Variants in CISD2 observed in about 807,000 individuals in gnomAD.
CISD2 encodes the protein CDGSH iron-sulfur domain-containing protein 2.
In CISD2, 1 loss-of-function variant was observed where a neutral mutation model predicts 12.9. The observed-to-expected ratio is 0.08, with a 90% CI of 0.03 to 0.37. The LOEUF (loss-of-function observed/expected upper bound fraction) is 0.37, where lower values mean the gene tolerates loss of function less well. Among genes scored for constraint, CISD2 ranks in the 10% least tolerant of loss-of-function variants. The pLI, the probability that CISD2 is intolerant of heterozygous loss-of-function variation, is 0.99. For missense variants in CISD2, 97 were observed against 163.1 expected, an observed-to-expected ratio of 0.59 and a Z score of 2.21; for synonymous variants, 50 against 60.6, an observed-to-expected ratio of 0.83 and a Z score of 0.81.
chr4:102,881,515 A>G (rs1733720777), intron 1 of CISD2, among the ~76,000 whole-genome samples: 1 of 152,270 alleles, frequency 6.6e-6, no homozygotes, highest in African/African-American at 2.4e-5. Context: ...ATATGCATGT[A>G]TGCATGTAGC....
chr4:102,876,173 T>C (rs1348376074), intron 1 of CISD2, among the ~76,000 whole-genome samples: 1 of 152,176 alleles, frequency 6.6e-6, no homozygotes, highest in Non-Finnish European at 1.5e-5. Context: ...CCCCACATAG[T>C]GCAGTTTGTG....
rs1734172112 is a variant in CISD2 at position 102,890,270 on chromosome 4, A to G, written c.*2840A>G. ...TTAATAAGTAAGTTACAGGAAGCCA[A>G]TTAAGCCAGCTGCTGATCTATATAG... On this transcript the variant is annotated 3_prime_UTR_variant, in exon 3 of 3. Transcript: ENST00000273986. The G allele has an allele frequency of 6.6e-6, 1 of 152,232 alleles. No homozygotes were observed. The highest frequency in any genetic ancestry group is 1.5e-5 in the Non-Finnish European group (1 of 68,042). The allele number at this position is 152,232 out of a possible 1,614,324, so 9.4% of individuals were successfully genotyped here.
In CISD2 at chr4:102,889,954, G is replaced by C. The variant is rs1463831067; in HGVS notation, c.*2524G>C. ...TTGAAATACATGTCTTCGGTTTCTA[G>C]AGCCTTCAAAATACAGCCCTGTTGT... is the stretch of plus-strand genomic sequence containing the variant. On this transcript the variant is annotated 3_prime_UTR_variant, in exon 3 of 3. Transcript: ENST00000273986. 6.6e-6 allele frequency: 1 copy of C among 150,638 alleles called. No homozygotes were observed. The highest frequency in any genetic ancestry group is 1.5e-5 in the Non-Finnish European group (1 of 67,874). The allele number at this position is 150,638 out of a possible 1,614,324, so 9.3% of individuals were successfully genotyped here. A position where few individuals can be genotyped will look rare whatever the true frequency, so the allele number is the denominator to read the frequency against.
intron 1 of CISD2, among the ~76,000 whole-genome samples, chr4:102,875,894 C>T (rs546537350): frequency 2.0e-5 from 3 of 152,306 alleles, no homozygotes; most frequent in African/African-American, 7.2e-5. Context: ...GAAAATTCTG[C>T]GCTCAAGTGC....
At chr4:102,869,542 TAA>T in intron 1 of CISD2, 2 of 702,096 alleles carry the variant, frequency 2.8e-6, no homozygotes, top group Non-Finnish European at 5.2e-6. Flanking sequence ...TAAAGCGGGC[TAA>T]GTCGTCGTTA....
chr4:102,886,467 G>C (rs927432566), intron 2 of CISD2, among the ~76,000 whole-genome samples: 1 of 151,792 alleles, frequency 6.6e-6, no homozygotes, highest in African/African-American at 2.4e-5. Flanking sequence ...CTCCAGCCTG[G>C]GCGACAAGGT....
chr4:102,878,891 TAAA>T (rs1733650847), intron 1 of CISD2, among the ~76,000 whole-genome samples: 1 of 152,136 alleles, frequency 6.6e-6, no homozygotes, highest in South Asian at 2.1e-4. Flanking sequence ...ATAAAAGAAA[TAAA>T]AACATAAAAT....
At chr4:102,874,125 T>TC (rs1553968998) in intron 1 of CISD2, among the ~76,000 whole-genome samples, 1 of 104,234 alleles carries the variant, frequency 9.6e-6, no homozygotes, top group Non-Finnish European at 1.9e-5. Context: ...GACTCTGTCT[T>TC]CAAAAAAAAA....
chr4:102,874,507 A>G (rs1419778425), intron 1 of CISD2: 3 of 152,208 alleles, frequency 2.0e-5, no homozygotes, highest in Non-Finnish European at 4.4e-5. Flanking sequence ...ATATTTTAAA[A>G]AGGAAATTTG....
At chr4:102,886,215 G>A (rs779357600) in intron 2 of CISD2, among the ~76,000 whole-genome samples, 5 of 152,138 alleles carry the variant, frequency 3.3e-5, no homozygotes, top group East Asian at 1.9e-4. Flanking sequence ...CAGGCCAGGC[G>A]CGGTGGCTCA....
intron 1 of CISD2, 168 bp downstream of exon 1, chr4:102,869,355 C>T (rs755833750): frequency 9.1e-6 from 8 of 881,730 alleles, no homozygotes; most frequent in East Asian, 2.6e-5. Flanking sequence ...TGGGGAACGC[C>T]TGTGAGGCAG....
At chr4:102,881,842 A>G (rs1215129876) in intron 1 of CISD2, among the ~76,000 whole-genome samples, 1 of 152,170 alleles carries the variant, frequency 6.6e-6, no homozygotes, top group Non-Finnish European at 1.5e-5. Context: ...TAGTAATACC[A>G]TTTGTTCTTG....
intron 1 of CISD2, among the ~76,000 whole-genome samples, chr4:102,884,408 G>C (rs1473178664): frequency 6.6e-6 from 1 of 152,194 alleles, no homozygotes; most frequent in East Asian, 1.9e-4. Context: ...TATCAGATTC[G>C]GCATTCAGTG....
chr4:102,869,595 G>T (rs894095889), intron 1 of CISD2: 4 of 691,356 alleles, frequency 5.8e-6, no homozygotes, highest in East Asian at 2.7e-5. Context: ...CTACCGGCTG[G>T]GTTGTACCCT....
At position 102,890,234 on chromosome 4, in the gene CISD2, A is replaced by AACCTAAT. The variant is rs1345678539; in HGVS notation, c.*2805_*2811dup. 1 of 152,206 alleles carries AACCTAAT rather than the reference A, an allele frequency of 6.6e-6. No homozygotes were observed. Among genetic ancestry groups the AACCTAAT allele is most frequent in the Non-Finnish European group, 1.5e-5 (1 of 68,032 alleles). 9.4% of individuals were successfully genotyped at this position (152,206 alleles called of 1,614,324 possible). A position where few individuals can be genotyped will look rare whatever the true frequency, so the allele number is the denominator to read the frequency against. ...TCATTAAGTTGACTTTGTATTTTGT[A>AACCTAAT]ACCTAATTTGTTAATAAGTAAGTTA... On this transcript the variant is annotated 3_prime_UTR_variant, in exon 3 of 3. Coordinates refer to ENST00000273986, the MANE Select transcript of CISD2 (RefSeq NM_001008388.5).
At chr4:102,872,757 T>C (rs1578309380) in intron 1 of CISD2, among the ~76,000 whole-genome samples, 3 of 152,204 alleles carry the variant, frequency 2.0e-5, no homozygotes, top group African/African-American at 7.2e-5. Flanking sequence ...TGTCACTATA[T>C]ATAATAAAAG....
rs532320952 is a variant in CISD2 at position 102,879,750 on chromosome 4, C to T, written c.104-5466C>T. On this transcript the variant is annotated intron_variant, in intron 1 of 2. Coordinates refer to ENST00000273986, the MANE Select transcript of CISD2 (RefSeq NM_001008388.5). ...TCATGCCACTGCACTCCAGCTTGGG[C>T]GACAGAGCGAGACTCCATCTCAAAA... Among the ~76,000 whole-genome samples, 896 of 151,900 alleles carry T rather than the reference C, an allele frequency of 5.9e-3. 2 individuals are homozygous for T. The highest frequency in any genetic ancestry group is 8.2e-3 in the Admixed American group (125 of 15,246).
In CISD2 at chr4:102,887,437, T is replaced by C. The variant is rs1733987788; in HGVS notation, c.*7T>C. ...GAAGAAGAAAGAAGTATAATAATAA[T>C]AACAATATTTTCTCATTCTTTGTGT... On this transcript the variant is annotated 3_prime_UTR_variant, in exon 3 of 3. Coordinates refer to ENST00000273986, the MANE Select transcript of CISD2 (RefSeq NM_001008388.5). 2 of 920,330 alleles carry C rather than the reference T, an allele frequency of 2.2e-6. No individual in the cohort carries two copies. The highest frequency in any genetic ancestry group is 3.7e-5 in the Admixed American group (2 of 53,616). 57.0% of individuals were successfully genotyped at this position (920,330 alleles called of 1,614,324 possible). A position where few individuals can be genotyped will look rare whatever the true frequency, so the allele number is the denominator to read the frequency against.
At chr4:102,884,582 GT>G (rs1247681180) in intron 1 of CISD2, among the ~76,000 whole-genome samples, 1 of 152,090 alleles carries the variant, frequency 6.6e-6, no homozygotes, top group Non-Finnish European at 1.5e-5. Context: ...TATATTCCCT[GT>G]CCCCTTAAGA....
Sources: allele counts gnomAD v4.1 joint callset (sites outside exome capture counted in the v4.1 genomes callset), GRCh38; gene constraint gnomAD v4.1.1; transcripts MANE v1.5; gene names NCBI Gene and HGNC (gene_info 2026-07-23, HGNC 2026-07-21).